LRRC38: variants seen among roughly 807,000 people sequenced by gnomAD.
The protein encoded by LRRC38 is leucine-rich repeat-containing protein 38.
Under a neutral mutation model 16.4 loss-of-function variants are expected in LRRC38, and 5 were observed. The observed-to-expected ratio is 0.31, with a 90% CI of 0.16 to 0.64. The LOEUF (loss-of-function observed/expected upper bound fraction) is 0.64. Ranked by LOEUF, LRRC38 falls within the 30% of genes least tolerant of loss-of-function variation. The pLI is 0.80. For missense variants in LRRC38, 341 were observed against 401.8 expected, an observed-to-expected ratio of 0.85 and a Z score of 1.29; for synonymous variants, 191 against 190.2, an observed-to-expected ratio of 1.00 and a Z score of -0.04.
chr1:13,506,849 T>G (rs1233905877), intron 1 of LRRC38, among the ~76,000 whole-genome samples: 3 of 152,314 alleles, frequency 2.0e-5, no homozygotes, highest in East Asian at 3.9e-4. Context: ...GACCACAAGA[T>G]GCTAGGACAG....
chr1:13,506,200 GT>G (rs1432825689), intron 1 of LRRC38, among the ~76,000 whole-genome samples: 1 of 152,104 alleles, frequency 6.6e-6, no homozygotes, highest in Non-Finnish European at 1.5e-5. Context: ...GGAAGGTTAA[GT>G]GGGAACCAGA....
intron 1 of LRRC38, among the ~76,000 whole-genome samples, chr1:13,479,098 G>T (rs536050217): frequency 6.6e-6 from 1 of 151,664 alleles, no homozygotes; most frequent in Admixed American, 6.6e-5. Context: ...AAACAGGAGA[G>T]CTTTATCTTT....
At chr1:13,507,524 A>T (rs894169021) in intron 1 of LRRC38, among the ~76,000 whole-genome samples, 9 of 152,176 alleles carry the variant, frequency 5.9e-5, no homozygotes, top group African/African-American at 2.2e-4. Flanking sequence ...AAACATTTTT[A>T]AAAAATGAGA....
At chr1:13,479,945 A>G (rs957079824) in intron 1 of LRRC38, among the ~76,000 whole-genome samples, 1 of 152,118 alleles carries the variant, frequency 6.6e-6, no homozygotes, top group East Asian at 1.9e-4. Flanking sequence ...GGACAGGAAC[A>G]TTTTTTTGAC....
In LRRC38 at chr1:13,475,885, G is replaced by T. The variant is rs1292996711; in HGVS notation, c.846C>A (p.Asn282Lys). Reference protein sequence around the residue: ...VVQCLQRCAPNKDAEDEDEDK... With the variant: ...VVQCLQRCAPKKDAEDEDEDK... ...CCTCGTCTTCATCCTCCGCATCTTT[G>T]TTGGGTGCGCACCTCTGGAGGCACT... The change falls in exon 2 of 2, where the codon AAC becomes AAA. Residue 282 changes from asparagine (N) to lysine (K), a missense_variant. Asn to Lys is a moderately conservative substitution (Grantham distance 94, BLOSUM62 0). Coordinates refer to ENST00000376085, the MANE Select transcript of LRRC38 (RefSeq NM_001010847.2). The surrounding 1 kb of genome is among the most constrained non-coding windows in gnomAD (Gnocchi z 4.3). 9.7e-6 allele frequency: 15 copies of T among 1,550,410 alleles called. No individual in the cohort carries two copies. The highest frequency in any genetic ancestry group is 6.8e-5 in the African/African-American group (5 of 73,024).
chr1:13,477,640 C>A (rs1638804801), intron 1 of LRRC38, among the ~76,000 whole-genome samples: 1 of 152,042 alleles, frequency 6.6e-6, no homozygotes, highest in African/African-American at 2.4e-5. Flanking sequence ...GAGTTCGAGA[C>A]CAGCCTGGGC....
At chr1:13,477,467 G>A (rs1553134267) in intron 1 of LRRC38, among the ~76,000 whole-genome samples, 1 of 152,182 alleles carries the variant, frequency 6.6e-6, no homozygotes, top group Non-Finnish European at 1.5e-5. Flanking sequence ...GGGGTGGTCA[G>A]GAGGTATTAT....
At chr1:13,498,261 G>A (rs79698064) in intron 1 of LRRC38, among the ~76,000 whole-genome samples, 2 of 149,578 alleles carry the variant, frequency 1.3e-5, no homozygotes, top group Non-Finnish European at 3.0e-5. Context: ...AAAAAAAAAA[G>A]AGCCCAGTTT....
At chr1:13,477,370 GA>G (rs1329554008) in intron 1 of LRRC38, among the ~76,000 whole-genome samples, 1 of 152,158 alleles carries the variant, frequency 6.6e-6, no homozygotes, top group Admixed American at 6.5e-5. Context: ...GACAATAAAT[GA>G]ATAGTTCAAG....
intron 1 of LRRC38, among the ~76,000 whole-genome samples, chr1:13,481,760 TCC>T (rs554745338): frequency 0.021 from 1,176 of 57,044 alleles, 22 homozygotes; most frequent in African/African-American, 0.17. Context: ...TCACTTTCTT[TCC>T]CTCTCTCTCC....
chr1:13,506,606 C>G (rs1215758782), intron 1 of LRRC38, among the ~76,000 whole-genome samples: 3 of 152,146 alleles, frequency 2.0e-5, no homozygotes. Context: ...TACAGGTGCA[C>G]GCCACCGTGC....
At chr1:13,507,498 T>G (rs183627686) in intron 1 of LRRC38, among the ~76,000 whole-genome samples, 1 of 152,336 alleles carries the variant, frequency 6.6e-6, no homozygotes, top group East Asian at 1.9e-4. Context: ...GTTGTTGTCT[T>G]GCCCATCAAA....
rs200809331 is a variant in LRRC38, at chr1:13,493,473, C to T, written c.632-17374G>A. ...CCCTGGAGGAGATCCAGGCCGACCC[C>T]CTAAATCGTCCACATGCTAATCCTC... On this transcript the variant is annotated intron_variant, in intron 1 of 1. Coordinates refer to ENST00000376085, the MANE Select transcript of LRRC38 (RefSeq NM_001010847.2). 5.3e-4 allele frequency among the ~76,000 whole-genome samples: 80 copies of T among 152,280 alleles called. No homozygotes were observed. The South Asian group carries it at 8.3e-3, about 16-fold the overall frequency.
At chr1:13,483,962 G>A (rs1638901425) in intron 1 of LRRC38, among the ~76,000 whole-genome samples, 1 of 151,620 alleles carries the variant, frequency 6.6e-6, no homozygotes, top group Non-Finnish European at 1.5e-5. Context: ...GGAGGGGAGA[G>A]GAGAGGGAGC....
At chr1:13,495,036 C>T (rs1217036322) in intron 1 of LRRC38, among the ~76,000 whole-genome samples, 1 of 152,172 alleles carries the variant, frequency 6.6e-6, no homozygotes, top group Non-Finnish European at 1.5e-5. Context: ...CAGCCTAAAG[C>T]AGGAGCCATG....
At chr1:13,484,518 C>T (rs1638908131) in intron 1 of LRRC38, among the ~76,000 whole-genome samples, 1 of 152,208 alleles carries the variant, frequency 6.6e-6, no homozygotes, top group African/African-American at 2.4e-5. Context: ...AACCAGCTCC[C>T]CTATCAGACA....
rs1468352872 is a variant in LRRC38 at position 13,513,146 on chromosome 1, T to C, written c.448A>G (p.Thr150Ala). 6.5e-7 allele frequency: 1 copy of C among 1,550,198 alleles called. No individual in the cohort carries two copies. The highest frequency in any genetic ancestry group is 2.0e-5 in the Admixed American group (1 of 50,996). Residue 150 changes from threonine (T) to alanine (A), a missense_variant, in exon 1 of 2, where the codon ACC becomes GCC. Physicochemically the swap from Thr to Ala is moderately conservative, Grantham distance 58 (BLOSUM62 0). Coordinates refer to ENST00000376085, the MANE Select transcript of LRRC38 (RefSeq NM_001010847.2). ...TCCAGCACCTGCAGCGACTCCAGGG[T>C]CTCGAAGGCGTCCTCGTGCACGCCC... ...LVGVHEDAFE[T>A]LESLQVLELN...
At chr1:13,481,800 T>C (rs796552464) in intron 1 of LRRC38, among the ~76,000 whole-genome samples, 3 of 117,414 alleles carry the variant, frequency 2.6e-5, no homozygotes, top group African/African-American at 3.6e-5. Context: ...TCTCTCTCTC[T>C]CTCTCTCTCT....
intron 1 of LRRC38, among the ~76,000 whole-genome samples, chr1:13,500,784 T>C (rs1639138137): frequency 6.6e-6 from 1 of 152,240 alleles, no homozygotes; most frequent in African/African-American, 2.4e-5. Context: ...TACAGTGTTA[T>C]ACTAAAATAA....
Sources: gnomAD v4.1 joint callset for allele counts (sites outside exome capture counted in the v4.1 genomes callset) on GRCh38, gnomAD v4.1.1 for gene constraint, Gnocchi (gnomAD v3.1) non-coding constraint, MANE v1.5 for transcripts, NCBI Gene and HGNC (gene_info 2026-07-23, HGNC 2026-07-21) for gene names.